The following OPHN1 variants were observed in gnomAD, a reference collection of about 807,000 sequenced individuals.
OPHN1 encodes oligophrenin-1.
In OPHN1, 11 loss-of-function variants were observed where a neutral mutation model predicts 60.7. That is an observed-to-expected ratio of 0.18 (90% CI 0.11 to 0.30). The LOEUF (loss-of-function observed/expected upper bound fraction) is 0.30. Ranked by LOEUF, OPHN1 falls within the 10% of genes least tolerant of loss-of-function variation. The probability of loss-of-function intolerance (pLI) is 1.00; values close to 1 mark genes in which losing one functional copy is unlikely to be tolerated. For missense variants in OPHN1, 449 were observed against 611.0 expected (o/e 0.73, Z 2.80); for synonymous variants, 226 against 222.6 (o/e 1.02, Z -0.14).
chrX:68,330,878 AT>A (rs2078291173), intron 2 of OPHN1, among the ~76,000 whole-genome samples: 1 of 107,050 alleles, frequency 9.3e-6, no homozygotes, highest in Non-Finnish European at 1.9e-5. Flanking sequence ...TAACTAAAAT[AT>A]TTAATATAAC....
chrX:68,189,507 C>G (rs1334498805), intron 15 of OPHN1, among the ~76,000 whole-genome samples: 1 of 105,137 alleles, frequency 9.5e-6, no homozygotes, highest in African/African-American at 3.5e-5. Context: ...CCTCCCACCT[C>G]CCCCAACCCC....
At chrX:68,297,269 T>C (rs1239403610) in intron 3 of OPHN1, among the ~76,000 whole-genome samples, 1 of 111,673 alleles carries the variant, frequency 9.0e-6, no homozygotes. Context: ...CATTATCTCA[T>C]CCCCATTTTA....
intron 5 of OPHN1, among the ~76,000 whole-genome samples, chrX:68,246,001 C>T (rs1286265956): frequency 4.5e-5 from 5 of 111,102 alleles, no homozygotes; most frequent in Non-Finnish European, 7.5e-5. Context: ...GACGGGGTTT[C>T]ACCATGTTGG....
At chrX:68,114,563 C>T (rs2077119380) in intron 16 of OPHN1, among the ~76,000 whole-genome samples, 1 of 111,016 alleles carries the variant, frequency 9.0e-6, no homozygotes, top group African/African-American at 3.3e-5. Flanking sequence ...GAGTTCGAGA[C>T]CAGTCTGGAC....
At chrX:68,306,386 G>A (rs1015048771) in intron 2 of OPHN1, among the ~76,000 whole-genome samples, 1 of 111,696 alleles carries the variant, frequency 9.0e-6, no homozygotes, top group African/African-American at 3.3e-5. Context: ...ACTCGTTACT[G>A]GAGCAAATGT....
intron 2 of OPHN1, among the ~76,000 whole-genome samples, chrX:68,419,753 C>T (rs778821840): frequency 5.4e-5 from 6 of 110,698 alleles, no homozygotes; most frequent in Admixed American, 9.6e-5. Flanking sequence ...GTTGGCCAGG[C>T]TGGTCTCGAA....
intron 5 of OPHN1, among the ~76,000 whole-genome samples, chrX:68,270,853 T>C (rs986422048): frequency 1.8e-5 from 2 of 111,672 alleles, no homozygotes; most frequent in African/African-American, 6.5e-5. Context: ...AAGTGCTGTT[T>C]CCTGCAAAGT....
intron 19 of OPHN1, among the ~76,000 whole-genome samples, chrX:68,080,702 G>A (rs943485356): frequency 3.6e-5 from 4 of 112,106 alleles, no homozygotes; most frequent in Admixed American, 1.9e-4. Flanking sequence ...AAGCCAAGTG[G>A]TGAGGATGGC....
At position 68,245,379 on chromosome X, in the gene OPHN1, C is replaced by G. The variant is rs1463647833; in HGVS notation, c.385-10791G>C. The stretch of plus-strand genomic sequence containing the variant: ...CCCAAATATGCCACACTTTTTCATA[C>G]TGTGCTTTTTGTTCATATGATTTCC... On this transcript the variant is annotated intron_variant, in intron 5 of 24. Coordinates refer to ENST00000355520, the MANE Select transcript of OPHN1 (RefSeq NM_002547.3). 3.6e-5 allele frequency among the ~76,000 whole-genome samples: 4 copies of G among 112,312 alleles called. No homozygotes were observed. The East Asian group carries it at 1.1e-3, about 31-fold the overall frequency.
chrX:68,403,364 G>A (rs1161379855), intron 2 of OPHN1, among the ~76,000 whole-genome samples: 1 of 111,783 alleles, frequency 8.9e-6, no homozygotes, highest in East Asian at 2.8e-4. Context: ...CAGCAAATAA[G>A]TTTAAACTCA....
chrX:68,344,769 T>C (rs2078371247), intron 2 of OPHN1, among the ~76,000 whole-genome samples: 1 of 112,054 alleles, frequency 8.9e-6, no homozygotes, highest in African/African-American at 3.2e-5. Flanking sequence ...CAAGAACACA[T>C]TAAAATAGCA....
At chrX:68,405,030 C>T (rs1172100867) in intron 2 of OPHN1, among the ~76,000 whole-genome samples, 4 of 112,014 alleles carry the variant, frequency 3.6e-5, no homozygotes, top group Non-Finnish European at 7.5e-5. Flanking sequence ...CTGAACTGTA[C>T]ATTTAAAAAT....
At chrX:68,141,790 T>C (rs759753349) in intron 15 of OPHN1, among the ~76,000 whole-genome samples, 2 of 110,357 alleles carry the variant, frequency 1.8e-5, no homozygotes, top group Non-Finnish European at 3.8e-5. Context: ...TTATGGAGAT[T>C]GGATGCTCCA....
chrX:68,119,183 C>T lies in OPHN1; in HGVS notation c.1361+65G>A, dbSNP rs184308091. On this transcript the variant is annotated intron_variant, in intron 16 of 24. Transcript: ENST00000355520. ...CCTGGAACTGAGACCACGTTAACTCCGCTCAACACCCAGAGAAATTTCACC... is the reference window on the plus strand; with the variant it reads ...CCTGGAACTGAGACCACGTTAACTCTGCTCAACACCCAGAGAAATTTCACC... The T allele has an allele frequency of 5.7e-3, 4,671 of 824,447 alleles. 22 individuals are homozygous for T. Among genetic ancestry groups the T allele is most frequent in the Middle Eastern group, 0.012 (45 of 3,656 alleles). 67.9% of individuals were successfully genotyped at this position (824,447 alleles called of 1,213,427 possible). A position where few individuals can be genotyped will look rare whatever the true frequency, so the allele number is the denominator to read the frequency against.
intron 19 of OPHN1, among the ~76,000 whole-genome samples, chrX:68,084,359 A>C: frequency 3.3e-5 from 2 of 61,174 alleles, no homozygotes; most frequent in African/African-American, 6.5e-5. Context: ...AGAGGGAGGA[A>C]CGGGGGGAGA....
chrX:68,369,419 T>C (rs1320890611), intron 2 of OPHN1, among the ~76,000 whole-genome samples: 1 of 111,090 alleles, frequency 9.0e-6, no homozygotes, highest in Non-Finnish European at 1.9e-5. Context: ...TATTCAAACA[T>C]TGTTTTCAAC....
At chrX:68,240,090 C>T (rs2077773427) in intron 5 of OPHN1, among the ~76,000 whole-genome samples, 1 of 112,408 alleles carries the variant, frequency 8.9e-6, no homozygotes, top group Admixed American at 9.4e-5. Flanking sequence ...GGATTATCGG[C>T]ATGAGCCACT....
chrX:68,212,097 T>G lies in OPHN1; in HGVS notation c.702+11A>C, dbSNP rs375325266. On this transcript the variant is annotated intron_variant, in intron 8 of 24. Coordinates refer to ENST00000355520, the MANE Select transcript of OPHN1 (RefSeq NM_002547.3). Reference sequence around the variant, plus strand: ...GAAAGACCGGTGAGAAAAATCCACATGCAAACTCACATTCTGTAAACTGAG... The same window carrying G: ...GAAAGACCGGTGAGAAAAATCCACAGGCAAACTCACATTCTGTAAACTGAG... 2,033 of 1,139,718 alleles carry G rather than the reference T, an allele frequency of 1.8e-3. 3 individuals are homozygous for G. Among genetic ancestry groups the G allele is most frequent in the Non-Finnish European group, 2.1e-3 (1,770 of 834,274 alleles). 93.9% of individuals were successfully genotyped at this position (1,139,718 alleles called of 1,213,427 possible).
chrX:68,267,492 C>T (rs1326280431), intron 5 of OPHN1, among the ~76,000 whole-genome samples: 2 of 111,804 alleles, frequency 1.8e-5, no homozygotes, highest in African/African-American at 3.3e-5. Context: ...AGAACAAAGA[C>T]GCAACATACC....
Sources: gnomAD v4.1 joint callset for allele counts (sites outside exome capture counted in the v4.1 genomes callset) on GRCh38, gnomAD v4.1.1 for gene constraint, MANE v1.5 for transcripts, NCBI Gene and HGNC (gene_info 2026-07-23, HGNC 2026-07-21) for gene names.